BRD7: variants seen among roughly 807,000 people sequenced by gnomAD.
BRD7 encodes bromodomain-containing protein 7.
A neutral mutation model predicts 82.1 loss-of-function variants in BRD7; 15 were observed. That is an observed-to-expected ratio of 0.18 (90% CI 0.12 to 0.28). The LOEUF (loss-of-function observed/expected upper bound fraction) is 0.28. BRD7 is among the 10% of genes least tolerant of loss of function. The pLI, the probability that BRD7 is intolerant of heterozygous loss-of-function variation, is 1.00. For synonymous variants in BRD7, 232 were observed against 266.9 expected, an observed-to-expected ratio of 0.87 and a Z score of 1.27; for missense variants, 638 against 779.9, an observed-to-expected ratio of 0.82 and a Z score of 2.17.
intron 4 of BRD7, 51 bp downstream of exon 4, chr16:50,354,374 A>G (rs776829987): frequency 6.9e-7 from 1 of 1,459,708 alleles, no homozygotes; most frequent in Non-Finnish European, 9.5e-7. Context: ...TGGATCCTAC[A>G]CATCTACCAT....
At chr16:50,367,496 T>C (rs140092723) in intron 2 of BRD7, among the ~76,000 whole-genome samples, 1 of 152,334 alleles carries the variant, frequency 6.6e-6, no homozygotes, top group African/African-American at 2.4e-5. Flanking sequence ...AGTGTTGGGA[T>C]TACAAGTGTG....
At position 50,317,524 on chromosome 16, in the gene BRD7, A is replaced by G. The variant is rs1319724113; in HGVS notation, c.*1687T>C. Reference sequence around the variant, plus strand: ...TTGTTTTTTTCTTCAGTAACAACAGAAACCCCAGTTGGGAGTTTAACAAAT... The same window carrying G: ...TTGTTTTTTTCTTCAGTAACAACAGGAACCCCAGTTGGGAGTTTAACAAAT... On this transcript the variant is annotated 3_prime_UTR_variant, in exon 17 of 17. Coordinates refer to ENST00000394688, the MANE Select transcript of BRD7 (RefSeq NM_013263.5). 1 of 152,354 alleles carries G rather than the reference A, an allele frequency of 6.6e-6. No homozygotes were observed. Among genetic ancestry groups the G allele is most frequent in the Non-Finnish European group, 1.5e-5 (1 of 68,040 alleles). The allele number at this position is 152,354 out of a possible 1,614,324, so 9.4% of individuals were successfully genotyped here.
At chr16:50,325,612 T>C (rs2037302852) in intron 11 of BRD7, 136 bp downstream of exon 11, 9 of 705,768 alleles carry the variant, frequency 1.3e-5, no homozygotes, top group Non-Finnish European at 2.0e-5. Context: ...ATGAATCCAT[T>C]ATTGTCAGCT....
chr16:50,358,737 C>G (rs971679825), intron 2 of BRD7, among the ~76,000 whole-genome samples: 1 of 152,026 alleles, frequency 6.6e-6, no homozygotes, highest in Non-Finnish European at 1.5e-5. Context: ...CCTGGTCTAC[C>G]GTAACCACTT....
At chr16:50,363,670 C>CGT (rs1567292191) in intron 2 of BRD7, among the ~76,000 whole-genome samples, 17 of 61,648 alleles carry the variant, frequency 2.8e-4, no homozygotes, top group South Asian at 5.4e-4. Context: ...TGCGCGCGCG[C>CGT]GCGTGCGCGT....
intron 6 of BRD7, among the ~76,000 whole-genome samples, chr16:50,336,309 G>C (rs544077340): frequency 7.2e-5 from 11 of 152,132 alleles, no homozygotes; most frequent in African/African-American, 2.6e-4. Context: ...TAAACTCTTA[G>C]AAAGGAAACA....
chr16:50,332,767 G>A (rs938980484), intron 8 of BRD7, among the ~76,000 whole-genome samples: 4 of 151,968 alleles, frequency 2.6e-5, no homozygotes, highest in East Asian at 1.9e-4. Flanking sequence ...AAGAAAATGC[G>A]GTACACACAC....
At chr16:50,333,838 A>T in intron 7 of BRD7, 141 bp from the exon 8 acceptor site, 1 of 710,714 alleles carries the variant, frequency 1.4e-6, no homozygotes. Flanking sequence ...TTCCTTGATG[A>T]CCTGTTAAGG....
intron 3 of BRD7, 148 bp from the exon 4 acceptor site, chr16:50,354,630 A>C: frequency 8.1e-7 from 1 of 1,229,166 alleles, no homozygotes; most frequent in Non-Finnish European, 1.1e-6. Flanking sequence ...GAGAGTATTA[A>C]TCCAAAATTG....
intron 8 of BRD7, 116 bp downstream of exon 8, chr16:50,333,458 C>T: frequency 7.5e-7 from 1 of 1,326,650 alleles, no homozygotes; most frequent in Non-Finnish European, 1.0e-6. Flanking sequence ...AAGTATTATA[C>T]TGATGAAGAG....
At chr16:50,322,185 A>G in intron 12 of BRD7, 147 bp from the exon 13 acceptor site, 1 of 630,474 alleles carries the variant, frequency 1.6e-6, no homozygotes, top group Non-Finnish European at 2.7e-6. Flanking sequence ...CAAAATGACT[A>G]AATATAATTA....
rs1364600707 is a variant in BRD7, at chr16:50,319,915, C to T, written c.1872G>A (p.Met624Ile). 1.9e-6 allele frequency: 3 copies of T among 1,612,176 alleles called. No individual in the cohort carries two copies. Among genetic ancestry groups the T allele is most frequent in the African/African-American group, 1.3e-5 (1 of 74,976 alleles). ...CTGTCAAATCCACAAAGTTGTTTTCCATGACGGGGGAAGGAATGGAAATCC... is the reference window on the plus strand; with the variant it reads ...CTGTCAAATCCACAAAGTTGTTTTCTATGACGGGGGAAGGAATGGAAATCC... ...AMGISIPSPVMENNFVDLTED... is the reference protein window; with the variant it reads ...AMGISIPSPVIENNFVDLTED... Residue 624 changes from methionine (M) to isoleucine (I), a missense_variant, in exon 16 of 17, where the codon ATG becomes ATA. Around this residue, in one of 3 missense-constraint regions of BRD7, gnomAD observed 402 missense variants for 500.8 expected, o/e 0.80. Transcript: ENST00000394688.
At chr16:50,337,495 G>GATGATCC (rs2037858365) in intron 6 of BRD7, among the ~76,000 whole-genome samples, 1 of 152,036 alleles carries the variant, frequency 6.6e-6, no homozygotes, top group Non-Finnish European at 1.5e-5. Flanking sequence ...CCTGACCTCA[G>GATGATCC]ATGATCCGCC....
chr16:50,328,611 G>A (rs1485852681), intron 9 of BRD7, 58 bp downstream of exon 9: 44 of 1,463,814 alleles, frequency 3.0e-5, no homozygotes, highest in Non-Finnish European at 4.1e-5. Context: ...TGTTAACCCA[G>A]GTTACTGTTC....
At chr16:50,347,072 T>G (rs543191654) in intron 5 of BRD7, among the ~76,000 whole-genome samples, 2 of 152,180 alleles carry the variant, frequency 1.3e-5, no homozygotes, top group Admixed American at 1.3e-4. Flanking sequence ...ACGATCAAGT[T>G]GGCTTCATCC....
chr16:50,356,464 G>C (rs1246805259), intron 2 of BRD7, among the ~76,000 whole-genome samples: 1 of 152,178 alleles, frequency 6.6e-6, no homozygotes, highest in Non-Finnish European at 1.5e-5. Context: ...AGCTAAAATT[G>C]TATTGTATCA....
intron 5 of BRD7, among the ~76,000 whole-genome samples, chr16:50,342,190 C>CA (rs949541279): frequency 6.6e-6 from 1 of 151,874 alleles, no homozygotes; most frequent in African/African-American, 2.4e-5. Context: ...AAACAAAAAA[C>CA]AAAAAACTGT....
rs1234071910 is a variant in BRD7 at position 50,320,730 on chromosome 16, T to C, written c.1545A>G (p.Gln515=). 6.2e-7 allele frequency: 1 copy of C among 1,614,240 alleles called. No individual in the cohort carries two copies. The highest frequency in any genetic ancestry group is 1.1e-5 in the South Asian group (1 of 91,090). ...EPPGRLDSST[Q]DRLIALKAVT... Reference sequence around the variant, plus strand: ...CTGCTTTCAGCGCTATGAGCCTGTCTTGAGTACTGGAGTCCAAACGCCCTG... The same window carrying C: ...CTGCTTTCAGCGCTATGAGCCTGTCCTGAGTACTGGAGTCCAAACGCCCTG... Residue 515 remains glutamine, a synonymous_variant, in exon 14 of 17, where the codon CAA becomes CAG. Coordinates refer to ENST00000394688, the MANE Select transcript of BRD7 (RefSeq NM_013263.5).
At chr16:50,326,800 G>A (rs773135274) in intron 9 of BRD7, among the ~76,000 whole-genome samples, 12 of 152,154 alleles carry the variant, frequency 7.9e-5, no homozygotes, top group Admixed American at 2.0e-4. Flanking sequence ...ACACATGAAG[G>A]ATAAATGAGT....
Sources: gnomAD v4.1 joint callset for allele counts (sites outside exome capture counted in the v4.1 genomes callset) on GRCh38, gnomAD v4.1.1 for gene constraint, gnomAD v4.1.1 regional missense constraint, MANE v1.5 for transcripts, NCBI Gene and HGNC (gene_info 2026-07-23, HGNC 2026-07-21) for gene names.